Variants in LATS2 observed in about 807,000 individuals in gnomAD.
LATS2 encodes the protein serine/threonine-protein kinase LATS2.
LATS2 carries 24 observed loss-of-function variants against 76.0 expected under a neutral mutation model. The ratio of observed to expected loss-of-function variants is 0.32; its 90% CI spans 0.23 to 0.44. LATS2 has a LOEUF of 0.44. Ranked by LOEUF, LATS2 falls within the 20% of genes least tolerant of loss-of-function variation. The pLI is 1.00. For missense variants in LATS2, 1,286 were observed against 1,481.2 expected, an observed-to-expected ratio of 0.87 and a Z score of 2.16; for synonymous variants, 692 against 635.4, an observed-to-expected ratio of 1.09 and a Z score of -1.34.
At chr13:21,055,480 A>G (rs1237274623) in intron 1 of LATS2, among the ~76,000 whole-genome samples, 2 of 152,234 alleles carry the variant, frequency 1.3e-5, no homozygotes, top group Non-Finnish European at 2.9e-5. Context: ...TGAGACAACT[A>G]CTAAATCCCA....
intron 2 of LATS2, among the ~76,000 whole-genome samples, chr13:21,034,717 C>A (rs977196616): frequency 1.4e-5 from 2 of 145,864 alleles, no homozygotes; most frequent in South Asian, 2.2e-4. Context: ...GCTTCTGACA[C>A]CTGGGGCCGC....
In LATS2 at chr13:20,988,469, G is replaced by T. The variant is rs1217185575; in HGVS notation, c.1311C>A (p.Ala437=). The change falls in exon 4 of 8, where the codon GCC becomes GCA. Residue 437 remains alanine (A), a synonymous_variant. Transcript: ENST00000382592. ...TCTTCACCGGGTGCAAGATGTGCGC[G>T]GCCGTGACAGCCGTCACGGTGTTGG... The part of the protein sequence containing the change: ...PAPNTVTAVT[A]AHILHPVKSV... 6.5e-7 allele frequency: 1 copy of T among 1,537,652 alleles called. No individual in the cohort carries two copies. Among genetic ancestry groups the T allele is most frequent in the Admixed American group, 2.0e-5 (1 of 50,540 alleles).
chr13:21,061,136 G>GCCGGGCGGGGGCGGCT (rs1294409407), intron 1 of LATS2, among the ~76,000 whole-genome samples: 8 of 151,760 alleles, frequency 5.3e-5, no homozygotes, highest in Non-Finnish European at 7.4e-5. Context: ...ACTACGAGCC[G>GCCGGGCGGGGGCGGCT]CCGGGCGGGG....
In LATS2 at chr13:21,045,910, T is replaced by C. The variant is rs1004626874; in HGVS notation, c.117A>G (p.Ala39=). 1 of 1,614,128 alleles carries C rather than the reference T, an allele frequency of 6.2e-7. No individual in the cohort carries two copies. The highest frequency in any genetic ancestry group is 1.3e-5 in the African/African-American group (1 of 74,942). The change falls in exon 2 of 8, where the codon GCA becomes GCG. Residue 39 remains alanine (A), a synonymous_variant. Transcript: ENST00000382592. ...CCAGGGAAGTGTCACTGTTTGGTCC[T>C]GCGGGTAGCCCCTGAACCGAAGACT... The part of the protein sequence containing the change: ...PSKSSVQGLP[A]GPNSDTSLDA...
At chr13:21,030,591 C>CA (rs374884189) in intron 2 of LATS2, among the ~76,000 whole-genome samples, 579 of 25,464 alleles carry the variant, frequency 0.023, 11 homozygotes, top group African/African-American at 0.029. Context: ...GACTCCGTCT[C>CA]AAAAAAAAAA....
At chr13:21,030,054 G>T (rs1023429885) in intron 2 of LATS2, among the ~76,000 whole-genome samples, 3 of 151,872 alleles carry the variant, frequency 2.0e-5, no homozygotes, top group Admixed American at 1.3e-4. Context: ...AACCTGGGAG[G>T]GGGAGGTTGG....
rs145468370 is a variant in LATS2, at chr13:20,990,502, T to A, written c.475+770A>T. Among the ~76,000 whole-genome samples the A allele has an allele frequency of 5.8e-3, 654 of 111,834 alleles. 11 individuals carry two copies. Among genetic ancestry groups the A allele is most frequent in the African/African-American group, 0.021 (618 of 29,274 alleles). The allele number at this position is 111,834 out of a possible 152,430, so 73.4% of individuals were successfully genotyped here. A position where few individuals can be genotyped will look rare whatever the true frequency, so the allele number is the denominator to read the frequency against. On this transcript the variant is annotated intron_variant, in intron 3 of 7. Transcript: ENST00000382592. ...TTTTTTTTTTTAAATACAGACGAGG[T>A]CTCCCTCTGTTGCCCAGGCTGGTCT...
chr13:21,015,341 C>G (rs1261551472), intron 2 of LATS2, among the ~76,000 whole-genome samples: 1 of 152,190 alleles, frequency 6.6e-6, no homozygotes, highest in Non-Finnish European at 1.5e-5. Context: ...AAGGCTCACA[C>G]TGCAGACACA....
At chr13:21,054,756 TTTTC>T (rs1326527316) in intron 1 of LATS2, among the ~76,000 whole-genome samples, 3 of 152,212 alleles carry the variant, frequency 2.0e-5, no homozygotes, top group Non-Finnish European at 4.4e-5. Context: ...GAGTCCTGGT[TTTTC>T]TTTCTTTTTC....
intron 2 of LATS2, among the ~76,000 whole-genome samples, chr13:21,010,057 G>A (rs1469661089): frequency 2.0e-5 from 3 of 151,960 alleles, no homozygotes; most frequent in Admixed American, 6.6e-5. Context: ...AAAATGAGCC[G>A]GGCATGGTGG....
chr13:21,052,160 T>A (rs758906063), intron 1 of LATS2, among the ~76,000 whole-genome samples: 1 of 152,228 alleles, frequency 6.6e-6, no homozygotes, highest in Non-Finnish European at 1.5e-5. Flanking sequence ...GCCTTGAGGA[T>A]CACAGTGGTG....
intron 2 of LATS2, among the ~76,000 whole-genome samples, chr13:21,000,152 C>T (rs571888821): frequency 1.5e-4 from 23 of 152,282 alleles, no homozygotes; most frequent in East Asian, 1.9e-4. Flanking sequence ...GAAGCCGAGG[C>T]GGGCAGATCA....
At position 20,988,657 on chromosome 13, in the gene LATS2, G is replaced by C. The variant is rs1346705782; in HGVS notation, c.1123C>G (p.Leu375Val). ...TSVQQWPAAT[L>V]ARRDSLQKPG... Reference sequence around the variant, plus strand: ...TTCTGCAGGGAGTCCCGGCGGGCCAGGGTGGCAGCCGGCCACTGCTGGACG... The same window carrying C: ...TTCTGCAGGGAGTCCCGGCGGGCCACGGTGGCAGCCGGCCACTGCTGGACG... Residue 375 changes from leucine to valine, a missense_variant, in exon 4 of 8, where the codon CTG becomes GTG. Physicochemically the swap from Leu to Val is conservative, Grantham distance 32. Transcript: ENST00000382592. The C allele has an allele frequency of 1.3e-6, 2 of 1,579,070 alleles. No individual in the cohort carries two copies. Among genetic ancestry groups the C allele is most frequent in the Admixed American group, 3.5e-5 (2 of 56,508 alleles).
chr13:20,988,745 C>T lies in LATS2; in HGVS notation c.1035G>A (p.Gln345=), dbSNP rs12868653. Residue 345 remains glutamine, a synonymous_variant, in exon 4 of 8, where the codon CAG becomes CAA. Transcript: ENST00000382592. ...TGTTCCGCGAGGGAGTGAGCAGGCT[C>T]TGCGGGGGGCTGTCGCTGGCGAACA... is the stretch of plus-strand genomic sequence containing the variant. ...SQVFASDSPP[Q]SLLTPSRNSL... 1.6e-5 allele frequency: 25 copies of T among 1,575,262 alleles called. No individual in the cohort carries two copies. Among genetic ancestry groups the T allele is most frequent in the Non-Finnish European group, 2.1e-5 (25 of 1,167,766 alleles).
intron 2 of LATS2, among the ~76,000 whole-genome samples, chr13:21,039,866 G>C (rs1327949841): frequency 6.6e-6 from 1 of 152,164 alleles, no homozygotes. Context: ...CTGAGGTCAG[G>C]AGTTCGAGAC....
chr13:20,988,490 G>A lies in LATS2; in HGVS notation c.1290C>T (p.Asn430=), dbSNP rs1232599928. 6.5e-7 allele frequency: 1 copy of A among 1,533,194 alleles called. No individual in the cohort carries two copies. Among genetic ancestry groups the A allele is most frequent in the East Asian group, 2.3e-5 (1 of 42,596 alleles). The allele number at this position is 1,533,194 out of a possible 1,614,324, so 95.0% of individuals were successfully genotyped here. ...GCGCGGCCGTGACAGCCGTCACGGT[G>A]TTGGGGGCGGGCAGGGAGGGCTCGG... The part of the protein sequence containing the change: ...GKAEPSLPAP[N]TVTAVTAAHI... Residue 430 remains asparagine, a synonymous_variant, in exon 4 of 8, where the codon AAC becomes AAT. Transcript: ENST00000382592.
At chr13:21,042,793 C>G (rs58568294) in intron 2 of LATS2, among the ~76,000 whole-genome samples, 3,663 of 149,308 alleles carry the variant, frequency 0.025, 129 homozygotes, top group African/African-American at 0.086. Flanking sequence ...TTGAGTCCAT[C>G]CTGGCTAACA....
At chr13:21,035,503 C>CCCAT (rs1872660412) in intron 2 of LATS2, among the ~76,000 whole-genome samples, 1 of 152,062 alleles carries the variant, frequency 6.6e-6, no homozygotes, top group Non-Finnish European at 1.5e-5. Context: ...CTCCCAGGGC[C>CCCAT]CCATCCATCA....
In LATS2 at chr13:20,974,760, G is replaced by T. The variant is rs985885356; in HGVS notation, c.*110C>A. On this transcript the variant is annotated 3_prime_UTR_variant, in exon 8 of 8. Coordinates refer to ENST00000382592, the MANE Select transcript of LATS2 (RefSeq NM_014572.3). ...CAGAATTTCAAGTGAAGTAATCGACGGACTAATTTAAAACAAAACAGCCCT... is the reference window on the plus strand; with the variant it reads ...CAGAATTTCAAGTGAAGTAATCGACTGACTAATTTAAAACAAAACAGCCCT... 10 of 1,159,878 alleles carry T rather than the reference G, an allele frequency of 8.6e-6. No homozygotes were observed. Among genetic ancestry groups the T allele is most frequent in the South Asian group, 1.6e-5 (1 of 64,292 alleles). 71.8% of individuals were successfully genotyped at this position (1,159,878 alleles called of 1,614,324 possible).
Sources: gnomAD v4.1 joint callset for allele counts (sites outside exome capture counted in the v4.1 genomes callset) on GRCh38, gnomAD v4.1.1 for gene constraint, MANE v1.5 for transcripts, NCBI Gene and HGNC (gene_info 2026-07-23, HGNC 2026-07-21) for gene names.